The following NTM variants were observed in gnomAD, a reference collection of about 807,000 sequenced individuals.
The protein encoded by NTM is neurotrimin.
NTM carries 13 observed loss-of-function variants against 42.1 expected under a neutral mutation model. The observed-to-expected ratio is 0.31, with a 90% confidence interval of 0.20 to 0.49. The LOEUF is 0.49. Among genes scored for constraint, NTM ranks in the 20% least tolerant of loss-of-function variants. The pLI is 0.99. For synonymous variants in NTM, 187 were observed against 179.2 expected, an observed-to-expected ratio of 1.04 and a Z score of -0.35; for missense variants, 373 against 452.8, an observed-to-expected ratio of 0.82 and a Z score of 1.60.
chr11:131,853,025 GCACCCATC>G (rs1565631315), intron 1 of NTM, among the ~76,000 whole-genome samples: 1 of 147,382 alleles, frequency 6.8e-6, no homozygotes, highest in African/African-American at 2.5e-5. Context: ...ATTCTCCCAC[GCACCCATC>G]CACCCATCCA....
chr11:132,277,815 C>A (rs1591690256), intron 4 of NTM, among the ~76,000 whole-genome samples: 1 of 150,482 alleles, frequency 6.6e-6, no homozygotes, highest in African/African-American at 2.4e-5. Flanking sequence ...CTATTTCTAT[C>A]ATGCTAAAAT....
intron 7 of NTM, among the ~76,000 whole-genome samples, chr11:132,320,540 C>T (rs567919087): frequency 2.0e-5 from 3 of 152,326 alleles, no homozygotes; most frequent in African/African-American, 2.4e-5. Flanking sequence ...CACGGAGTCT[C>T]GCTGATTGCT....
intron 2 of NTM, among the ~76,000 whole-genome samples, chr11:132,058,029 G>T (rs557348111): frequency 6.6e-6 from 1 of 152,246 alleles, no homozygotes; most frequent in African/African-American, 2.4e-5. Context: ...CTGTGGACAT[G>T]AAACCTACAT....
At chr11:132,240,507 C>G (rs1290015888) in intron 4 of NTM, among the ~76,000 whole-genome samples, 1 of 152,236 alleles carries the variant, frequency 6.6e-6, no homozygotes, top group East Asian at 1.9e-4. Context: ...TAACTTGACT[C>G]TTCCATCTCA....
intron 1 of NTM, among the ~76,000 whole-genome samples, chr11:131,656,640 T>C (rs2067220168): frequency 6.6e-6 from 1 of 152,102 alleles, no homozygotes; most frequent in African/African-American, 2.4e-5. Context: ...CGGTTCTGGT[T>C]TGGACAAAGG....
chr11:131,383,575 A>G (rs1473077328), intron 1 of NTM, among the ~76,000 whole-genome samples: 2 of 152,192 alleles, frequency 1.3e-5, no homozygotes, highest in Non-Finnish European at 2.9e-5. Context: ...TCTGAAATCA[A>G]ATATGGCTAG....
At chr11:131,751,612 T>A (rs1271017084) in intron 1 of NTM, among the ~76,000 whole-genome samples, 3 of 149,204 alleles carry the variant, frequency 2.0e-5, no homozygotes, top group African/African-American at 7.4e-5. Flanking sequence ...AAAAGAAAAT[T>A]AGCTGGACAT....
At chr11:132,189,043 A>C (rs933091212) in intron 3 of NTM, among the ~76,000 whole-genome samples, 6 of 152,240 alleles carry the variant, frequency 3.9e-5, no homozygotes, top group Admixed American at 2.6e-4. Context: ...GAATTAGATT[A>C]GTATCAGCAT....
intron 1 of NTM, among the ~76,000 whole-genome samples, chr11:131,672,914 T>G (rs1428803293): frequency 1.1e-3 from 20 of 18,402 alleles, no homozygotes; most frequent in Non-Finnish European, 1.2e-3. Flanking sequence ...GGTGCCGGGG[T>G]GGGGGTGGGG....
intron 2 of NTM, among the ~76,000 whole-genome samples, chr11:131,958,827 T>A (rs978414463): frequency 6.6e-6 from 1 of 152,156 alleles, no homozygotes; most frequent in African/African-American, 2.4e-5. Flanking sequence ...CCATTAGATT[T>A]ATGGTGACGA....
At chr11:131,663,705 C>T (rs2068497546) in intron 1 of NTM, 1 of 152,228 alleles carries the variant, frequency 6.6e-6, no homozygotes. Flanking sequence ...GGGGTTCCCA[C>T]TCTCTCTTTG....
At chr11:132,139,265 A>G (rs185114676) in intron 2 of NTM, among the ~76,000 whole-genome samples, 115 of 152,288 alleles carry the variant, frequency 7.6e-4, no homozygotes, top group Non-Finnish European at 1.1e-3. Context: ...TGCCCAGGTT[A>G]CCTTTTGCTA....
At chr11:131,796,348 G>T in intron 1 of NTM, 1 of 172,728 alleles carries the variant, frequency 5.8e-6, no homozygotes, top group Non-Finnish European at 1.2e-5. Context: ...GCTGGGAGTT[G>T]GGCCTCTGCA....
At chr11:131,807,035 C>T (rs775930696) in intron 1 of NTM, among the ~76,000 whole-genome samples, 5 of 152,128 alleles carry the variant, frequency 3.3e-5, no homozygotes, top group African/African-American at 4.8e-5. Context: ...ATGGGAAAAG[C>T]GTTTTAGGCT....
At chr11:132,277,568 A>T (rs1430934178) in intron 4 of NTM, among the ~76,000 whole-genome samples, 2 of 152,212 alleles carry the variant, frequency 1.3e-5, no homozygotes, top group African/African-American at 4.8e-5. Flanking sequence ...TCAAAAAATA[A>T]GAATTTGGGC....
At chr11:131,795,286 G>A (rs1398717339) in intron 1 of NTM, 5 of 563,938 alleles carry the variant, frequency 8.9e-6, no homozygotes, top group Non-Finnish European at 1.1e-5. Flanking sequence ...TAGGGTTGTT[G>A]TTAGGATTTA....
At chr11:131,906,305 T>G (rs1289747664) in intron 1 of NTM, among the ~76,000 whole-genome samples, 1 of 152,126 alleles carries the variant, frequency 6.6e-6, no homozygotes, top group Non-Finnish European at 1.5e-5. Flanking sequence ...TCTTAAATAT[T>G]GTTCTTATCT....
intron 1 of NTM, among the ~76,000 whole-genome samples, chr11:131,768,121 A>ATTTT (rs200565983): frequency 8.2e-6 from 1 of 121,494 alleles, no homozygotes; most frequent in Non-Finnish European, 1.7e-5. Flanking sequence ...GCAAAAACTT[A>ATTTT]TTTTTTTTTT....
intron 2 of NTM, among the ~76,000 whole-genome samples, chr11:131,919,767 C>T (rs944497805): frequency 6.6e-6 from 1 of 151,822 alleles, no homozygotes; most frequent in Non-Finnish European, 1.5e-5. Context: ...TGCATGTGTG[C>T]ATATATGTGT....
Sources: gnomAD v4.1 joint callset for allele counts (sites outside exome capture counted in the v4.1 genomes callset) on GRCh38, gnomAD v4.1.1 for gene constraint, MANE v1.5 for transcripts, NCBI Gene and HGNC (gene_info 2026-07-23, HGNC 2026-07-21) for gene names.